The following MUCL1 variants were observed in gnomAD, a reference collection of about 807,000 sequenced individuals.
The protein encoded by MUCL1 is mucin-like protein 1.
A neutral mutation model predicts 9.2 loss-of-function variants in MUCL1; 11 were observed. The ratio of observed to expected loss-of-function variants is 1.19; its 90% CI spans 0.75 to 1.97. The LOEUF is 1.97. Among genes scored for constraint, MUCL1 ranks in the 30% most tolerant of loss-of-function variants. The probability of loss-of-function intolerance (pLI) is 0.00; values close to 1 mark genes in which losing one functional copy is unlikely to be tolerated. For missense variants in MUCL1, 144 were observed against 110.9 expected, an observed-to-expected ratio of 1.30 and a Z score of -1.34; for synonymous variants, 48 against 40.5, an observed-to-expected ratio of 1.19 and a Z score of -0.71.
chr12:54,854,694 T>C (rs991499899), intron 1 of MUCL1, 54 bp downstream of exon 1: 18 of 1,499,252 alleles, frequency 1.2e-5, no homozygotes, highest in East Asian at 4.5e-5. Context: ...ACATAAAATA[T>C]CTCCTCTAAA....
intron 3 of MUCL1, 113 bp from the exon 4 acceptor site, chr12:54,858,080 C>G (rs1868314004): frequency 8.0e-7 from 1 of 1,257,244 alleles, no homozygotes; most frequent in Non-Finnish European, 1.2e-6. Context: ...CCTTTCGAAT[C>G]CCCTGAGTTT....
chr12:54,854,475 C>T (rs1868284249), upstream of MUCL1: 6 of 799,824 alleles, frequency 7.5e-6, no homozygotes, highest in Non-Finnish European at 1.0e-5. Flanking sequence ...CTGATTGGTG[C>T]CCTCTGCATA....
intron 1 of MUCL1, among the ~76,000 whole-genome samples, chr12:54,845,250 C>T (rs1298932826): frequency 1.3e-5 from 2 of 152,120 alleles, no homozygotes; most frequent in African/African-American, 2.4e-5. Context: ...GCAATGAGCT[C>T]TCTGCCCAAT....
chr12:54,842,583 T>C (rs1345857191), intron 1 of MUCL1, among the ~76,000 whole-genome samples: 1 of 152,120 alleles, frequency 6.6e-6, no homozygotes, highest in Non-Finnish European at 1.5e-5. Flanking sequence ...AATACGTACA[T>C]TGTTATAGTC....
rs542456866 is a variant in MUCL1, at chr12:54,839,448, G to T, written c.43+1G>T. On this transcript the variant is annotated splice_donor_variant, in intron 1 of 3. Transcript: ENST00000546809. LOFTEE classifies it high-confidence loss of function. Reference sequence around the variant, plus strand: ...TATCAACTGGCAGTGACTAAAGCAGGTGGGTAAATGCGACATCCAATTGTG... The same window carrying T: ...TATCAACTGGCAGTGACTAAAGCAGTTGGGTAAATGCGACATCCAATTGTG... 3.3e-4 allele frequency: 235 copies of T among 702,022 alleles called. 1 individual carries two copies. Among genetic ancestry groups the T allele is most frequent in the Non-Finnish European group, 5.5e-4 (211 of 384,812 alleles). The allele number at this position is 702,022 out of a possible 1,614,324, so 43.5% of individuals were successfully genotyped here.
chr12:54,837,534 G>C (rs935849689), upstream of MUCL1, among the ~76,000 whole-genome samples: 1 of 152,098 alleles, frequency 6.6e-6, no homozygotes, highest in Non-Finnish European at 1.5e-5. Context: ...GGGAGGCCAA[G>C]GCAGGCAGAC....
At chr12:54,833,085 A>T (rs1377443794) in intron 1 of MUCL1, among the ~76,000 whole-genome samples, 1 of 152,084 alleles carries the variant, frequency 6.6e-6, no homozygotes, top group Non-Finnish European at 1.5e-5. Flanking sequence ...TGATATCTAG[A>T]AGAGTAAGAG....
intron 1 of MUCL1, among the ~76,000 whole-genome samples, chr12:54,834,330 A>G (rs956443361): frequency 7.2e-5 from 11 of 151,990 alleles, no homozygotes; most frequent in African/African-American, 2.7e-4. Context: ...TTTTTAAACT[A>G]CCTTTTCTTC....
upstream of MUCL1, among the ~76,000 whole-genome samples, chr12:54,852,979 A>G (rs942859102): frequency 7.2e-5 from 11 of 152,184 alleles, no homozygotes; most frequent in African/African-American, 2.7e-4. Context: ...CAGGACAAGG[A>G]CACTGACTTG....
At chr12:54,836,487 T>C (rs1959193226), upstream of MUCL1, among the ~76,000 whole-genome samples, 1 of 152,228 alleles carries the variant, frequency 6.6e-6, no homozygotes, top group Admixed American at 6.5e-5. Context: ...CTTTTCTTGG[T>C]TAATCTAGCT....
chr12:54,851,115 G>A (rs1228630071), upstream of MUCL1, among the ~76,000 whole-genome samples: 1 of 152,260 alleles, frequency 6.6e-6, no homozygotes, highest in East Asian at 1.9e-4. Context: ...TAGGTTGCCT[G>A]TTCACTCTGA....
upstream of MUCL1, among the ~76,000 whole-genome samples, chr12:54,835,520 A>AT (rs945556595): frequency 1.3e-5 from 2 of 149,052 alleles, no homozygotes; most frequent in African/African-American, 4.9e-5. Context: ...AATGTTGAGT[A>AT]TTTTTTTCAT....
upstream of MUCL1, among the ~76,000 whole-genome samples, chr12:54,836,323 A>G (rs1307154932): frequency 1.3e-5 from 2 of 151,946 alleles, no homozygotes. Flanking sequence ...TCAAATTAGG[A>G]GGGTTGTATG....
intron 1 of MUCL1, among the ~76,000 whole-genome samples, chr12:54,843,818 T>G (rs1439658894): frequency 6.6e-6 from 1 of 152,212 alleles, no homozygotes; most frequent in Non-Finnish European, 1.5e-5. Context: ...CATTTCAGAC[T>G]TCTGGACTGA....
chr12:54,835,783 T>C (rs1959192269), upstream of MUCL1, among the ~76,000 whole-genome samples: 2 of 152,142 alleles, frequency 1.3e-5, no homozygotes, highest in Non-Finnish European at 2.9e-5. Context: ...GTTTCTACCA[T>C]AAAGGGGCAA....
intron 1 of MUCL1, among the ~76,000 whole-genome samples, chr12:54,848,696 G>A (rs1959292217): frequency 6.6e-6 from 1 of 152,138 alleles, no homozygotes. Flanking sequence ...TGCATTCAGG[G>A]AAATGCAAGT....
At chr12:54,837,837 G>A (rs975807561), upstream of MUCL1, among the ~76,000 whole-genome samples, 1 of 152,184 alleles carries the variant, frequency 6.6e-6, no homozygotes. Flanking sequence ...GAAAACAGAA[G>A]ATATTTGGTT....
chr12:54,837,499 C>T (rs1479402331), upstream of MUCL1, among the ~76,000 whole-genome samples: 1 of 152,070 alleles, frequency 6.6e-6, no homozygotes. Flanking sequence ...GGTGTGGTGG[C>T]TCATGCCTGT....
upstream of MUCL1, among the ~76,000 whole-genome samples, chr12:54,837,614 A>G (rs1047778093): frequency 1.3e-5 from 2 of 151,990 alleles, no homozygotes; most frequent in African/African-American, 4.8e-5. Context: ...AAAAAAATAC[A>G]AAAAATTAGC....
Sources: allele counts gnomAD v4.1 joint callset (sites outside exome capture counted in the v4.1 genomes callset), GRCh38; gene constraint gnomAD v4.1.1; transcripts MANE v1.5; gene names NCBI Gene and HGNC (gene_info 2026-07-23, HGNC 2026-07-21).